The following GKAP1 variants were observed in gnomAD, a reference collection of about 807,000 sequenced individuals.
GKAP1 encodes G kinase-anchoring protein 1.
GKAP1 carries 31 observed loss-of-function variants against 56.7 expected under a neutral mutation model. The observed-to-expected ratio is 0.55, with a 90% CI of 0.41 to 0.74. The LOEUF is 0.74. GKAP1 is among the 30% of genes least tolerant of loss of function. The pLI is 0.00. For missense variants in GKAP1, 364 were observed against 402.3 expected (o/e 0.90, Z 0.82); for synonymous variants, 151 against 138.6 (o/e 1.09, Z -0.63).
intron 2 of GKAP1, among the ~76,000 whole-genome samples, chr9:83,808,036 C>T (rs767558706): frequency 3.9e-5 from 6 of 152,102 alleles, no homozygotes; most frequent in Admixed American, 6.5e-5. Context: ...GCCATCTAGT[C>T]GTCATTAAGT....
At chr9:83,799,365 A>G in intron 3 of GKAP1, 37 bp from the exon 4 acceptor site, 8 of 1,442,134 alleles carry the variant, frequency 5.5e-6, no homozygotes, top group Non-Finnish European at 6.6e-6. Flanking sequence ...AATTCAGTTT[A>G]CCAATCCTGG....
At chr9:83,782,527 T>C (rs1943992021) in intron 6 of GKAP1, among the ~76,000 whole-genome samples, 1 of 149,420 alleles carries the variant, frequency 6.7e-6, no homozygotes, top group African/African-American at 2.5e-5. Flanking sequence ...CCCAGCTAAT[T>C]TTTTGTATTT....
chr9:83,784,935 A>T, intron 5 of GKAP1, 97 bp from the exon 6 acceptor site: 1 of 1,064,770 alleles, frequency 9.4e-7, no homozygotes, highest in East Asian at 2.9e-5. Context: ...TTTTTTAAAG[A>T]TAAAAGGCAA....
chr9:83,780,636 T>C (rs1943955846), intron 6 of GKAP1, among the ~76,000 whole-genome samples: 1 of 152,170 alleles, frequency 6.6e-6, no homozygotes, highest in African/African-American at 2.4e-5. Context: ...CGTCTTATCC[T>C]AGTAAATCCC....
intron 7 of GKAP1, among the ~76,000 whole-genome samples, chr9:83,777,144 C>T (rs764078038): frequency 6.6e-6 from 1 of 152,334 alleles, no homozygotes. Context: ...CCCCCACTGC[C>T]ACCTTTGACA....
chr9:83,814,950 G>A (rs1016001094), intron 2 of GKAP1, among the ~76,000 whole-genome samples: 4 of 152,006 alleles, frequency 2.6e-5, no homozygotes, highest in Non-Finnish European at 5.9e-5. Flanking sequence ...AAGGCGGGTG[G>A]ATCACAAGGT....
intron 5 of GKAP1, among the ~76,000 whole-genome samples, chr9:83,786,623 T>C (rs1944068805): frequency 6.6e-6 from 1 of 152,152 alleles, no homozygotes; most frequent in Non-Finnish European, 1.5e-5. Flanking sequence ...TAAAAATCCT[T>C]AGGCTAAAAC....
At chr9:83,768,500 T>C (rs553981128) in intron 8 of GKAP1, among the ~76,000 whole-genome samples, 84 of 152,330 alleles carry the variant, frequency 5.5e-4, no homozygotes, top group African/African-American at 2.0e-3. Flanking sequence ...TACCTCTCCA[T>C]ATCCCCACAA....
At position 83,748,376 on chromosome 9, in the gene GKAP1, A is replaced by G. The variant is rs1462054748; in HGVS notation, c.841-4T>C. Reference sequence around the variant, plus strand: ...CCTTTACTTCCTTATACTTTGCCTAATAGTCAAAGAAAAAAGATTTAGTTT... The same window carrying G: ...CCTTTACTTCCTTATACTTTGCCTAGTAGTCAAAGAAAAAAGATTTAGTTT... On this transcript the variant is annotated splice_region_variant and splice_polypyrimidine_tract_variant and intron_variant, in intron 9 of 12. Transcript: ENST00000376371. The G allele has an allele frequency of 6.6e-7, 1 of 1,511,182 alleles. No individual in the cohort carries two copies. Among genetic ancestry groups the G allele is most frequent in the Admixed American group, 1.9e-5 (1 of 51,476 alleles). The allele number at this position is 1,511,182 out of a possible 1,614,324, so 93.6% of individuals were successfully genotyped here.
chr9:83,786,199 C>T (rs1295210569), intron 5 of GKAP1, among the ~76,000 whole-genome samples: 2 of 152,220 alleles, frequency 1.3e-5, no homozygotes, highest in South Asian at 4.1e-4. Context: ...AAGGGGCACA[C>T]TTTGGCTATT....
chr9:83,783,022 A>G (rs1184168655), intron 6 of GKAP1, among the ~76,000 whole-genome samples: 3 of 152,222 alleles, frequency 2.0e-5, no homozygotes, highest in Admixed American at 6.5e-5. Context: ...AAACAAAGCA[A>G]CTTAATCACT....
At chr9:83,775,815 C>A (rs1461989419) in intron 7 of GKAP1, among the ~76,000 whole-genome samples, 8 of 128,566 alleles carry the variant, frequency 6.2e-5, no homozygotes, top group African/African-American at 2.4e-4. Flanking sequence ...GCAGAGGTTG[C>A]AGTGAGCCAA....
In GKAP1 at chr9:83,741,998, T is replaced by A; in HGVS notation, c.1007A>T (p.Glu336Val). 1 of 1,592,608 alleles carries A rather than the reference T, an allele frequency of 6.3e-7. No homozygotes were observed. The highest frequency in any genetic ancestry group is 8.5e-7 in the Non-Finnish European group (1 of 1,173,136). ...VTSLHAALEQERSKVKVLQAE... is the reference protein window; with the variant it reads ...VTSLHAALEQVRSKVKVLQAE... ...TTGTAATACTTTCACTTTAGATCTT[T>A]CTTGTTCTAATGCAGCATGAAGTGA... is the stretch of plus-strand genomic sequence containing the variant. Residue 336 changes from glutamate (E) to valine (V), a missense_variant, in exon 12 of 13, where the codon GAA becomes GTA. Coordinates refer to ENST00000376371, the MANE Select transcript of GKAP1 (RefSeq NM_025211.4).
chr9:83,798,689 T>C lies in GKAP1; in HGVS notation c.360+496A>G, dbSNP rs184173685. Among the ~76,000 whole-genome samples, 421 of 151,280 alleles carry C rather than the reference T, an allele frequency of 2.8e-3. 2 individuals are homozygous for C. Among genetic ancestry groups the C allele is most frequent in the African/African-American group, 9.8e-3 (401 of 40,930 alleles). On this transcript the variant is annotated intron_variant, in intron 4 of 12. Coordinates refer to ENST00000376371, the MANE Select transcript of GKAP1 (RefSeq NM_025211.4). ...CCTCCATGCCCGGCTAATTTTTCTG[T>C]TTTTTTTGTAGACAAAGGGTTTTGC...
At chr9:83,784,957 A>T in intron 5 of GKAP1, 119 bp from the exon 6 acceptor site, 1 of 681,580 alleles carries the variant, frequency 1.5e-6, no homozygotes, top group Middle Eastern at 3.4e-4. Flanking sequence ...TAAAAAACCA[A>T]AATTTAGGCT....
rs554450937 is a variant in GKAP1 at position 83,797,637 on chromosome 9, C to A, written c.360+1548G>T. Reference sequence around the variant, plus strand: ...AAATTCGTCAAAGTTCCTGGGCCTTCAACGGCATCCTTATATAGGATCAGG... The same window carrying A: ...AAATTCGTCAAAGTTCCTGGGCCTTAAACGGCATCCTTATATAGGATCAGG... On this transcript the variant is annotated intron_variant, in intron 4 of 12. Transcript: ENST00000376371. Among the ~76,000 whole-genome samples the A allele has an allele frequency of 2.6e-5, 4 of 152,344 alleles. No homozygotes were observed. In the East Asian group the frequency reaches 7.7e-4, roughly 29 times the overall value.
At chr9:83,779,274 ACAAAT>A (rs1943912569) in intron 7 of GKAP1, among the ~76,000 whole-genome samples, 1 of 151,832 alleles carries the variant, frequency 6.6e-6, no homozygotes, top group Admixed American at 6.6e-5. Context: ...TGTTTCAACA[ACAAAT>A]CAATTCTGTG....
chr9:83,758,612 G>A (rs1055080160), intron 8 of GKAP1, among the ~76,000 whole-genome samples: 4 of 151,966 alleles, frequency 2.6e-5, no homozygotes, highest in African/African-American at 7.3e-5. Flanking sequence ...AGCTGGGCGT[G>A]GTGGTGCATG....
Position 83,740,942 on chromosome 9 carries a change from A to C in GKAP1, c.1053+1010T>G, listed in dbSNP as rs559600385. Among the ~76,000 whole-genome samples, 212 of 152,282 alleles carry C rather than the reference A, an allele frequency of 1.4e-3. 1 individual carries two copies. Among genetic ancestry groups the C allele is most frequent in the African/African-American group, 4.9e-3 (203 of 41,578 alleles). ...GTCATTCACTCCTGACCATATAAAA[A>C]TTTTGCCAATATTTATTCAGAGAAA... On this transcript the variant is annotated intron_variant, in intron 12 of 12. Transcript: ENST00000376371.
Sources: allele counts gnomAD v4.1 joint callset (sites outside exome capture counted in the v4.1 genomes callset), GRCh38; gene constraint gnomAD v4.1.1; transcripts MANE v1.5; gene names NCBI Gene and HGNC (gene_info 2026-07-23, HGNC 2026-07-21).